The following IGF1R variants were observed in gnomAD, a reference collection of about 807,000 sequenced individuals.
The protein encoded by IGF1R is insulin-like growth factor 1 receptor.
In IGF1R, 44 loss-of-function variants were observed where a neutral mutation model predicts 144.6. The observed-to-expected ratio is 0.30, with a 90% CI of 0.24 to 0.39. IGF1R has a LOEUF of 0.39. Ranked by LOEUF, IGF1R falls within the 10% of genes least tolerant of loss-of-function variation. The pLI, the probability that IGF1R is intolerant of heterozygous loss-of-function variation, is 1.00. For missense variants in IGF1R, 1,355 were observed against 1,833.7 expected (o/e 0.74, Z 4.77); for synonymous variants, 795 against 722.8 (o/e 1.10, Z -1.60).
At chr15:98,948,224 C>T (rs948098067) in intron 19 of IGF1R, among the ~76,000 whole-genome samples, 1 of 152,100 alleles carries the variant, frequency 6.6e-6, no homozygotes, top group Non-Finnish European at 1.5e-5. Context: ...TAGGTGATAC[C>T]GCCTTGCCAG....
intron 1 of IGF1R, among the ~76,000 whole-genome samples, chr15:98,692,802 A>G (rs2053508052): frequency 6.6e-6 from 1 of 152,156 alleles, no homozygotes; most frequent in Admixed American, 6.5e-5. Context: ...ACCACCTGAT[A>G]CATTGGTAAG....
intron 1 of IGF1R, among the ~76,000 whole-genome samples, chr15:98,675,412 G>A (rs943534556): frequency 6.6e-6 from 1 of 152,206 alleles, no homozygotes; most frequent in Non-Finnish European, 1.5e-5. Context: ...AATAAGAATT[G>A]TGTAAGTGTG....
intron 2 of IGF1R, among the ~76,000 whole-genome samples, chr15:98,719,025 A>ATTAT (rs1392498635): frequency 2.0e-5 from 3 of 152,146 alleles, no homozygotes; most frequent in East Asian, 3.9e-4. Flanking sequence ...AGTAGATGAT[A>ATTAT]TTATTAGGTG....
intron 2 of IGF1R, among the ~76,000 whole-genome samples, chr15:98,788,071 T>TGC (rs1393427657): frequency 6.8e-6 from 1 of 147,110 alleles, no homozygotes; most frequent in African/African-American, 2.7e-5. Context: ...TCTGTGTGTG[T>TGC]GTGTGTGTGT....
intron 1 of IGF1R, among the ~76,000 whole-genome samples, chr15:98,679,824 T>C (rs936382179): frequency 6.6e-6 from 1 of 152,296 alleles, no homozygotes; most frequent in Non-Finnish European, 1.5e-5. Context: ...TTACTGCCCC[T>C]GTAGACTTCC....
At chr15:98,824,753 C>G (rs2056861236) in intron 2 of IGF1R, among the ~76,000 whole-genome samples, 2 of 152,318 alleles carry the variant, frequency 1.3e-5, no homozygotes, top group South Asian at 4.1e-4. Context: ...TTCCTAAACA[C>G]TCTGTTGCAG....
rs950228828 is a variant in IGF1R at position 98,680,853 on chromosome 15, G to C, written c.95-26709G>C. Reference sequence around the variant, plus strand: ...GTGCTGAGATTATAGGTGTGAGCCTGGCCATATGTACTTTTTTTTTTTTTT... The same window carrying C: ...GTGCTGAGATTATAGGTGTGAGCCTCGCCATATGTACTTTTTTTTTTTTTT... On this transcript the variant is annotated intron_variant, in intron 1 of 20. Coordinates refer to ENST00000650285, the MANE Select transcript of IGF1R (RefSeq NM_000875.5). Among the ~76,000 whole-genome samples, 7 of 139,238 alleles carry C rather than the reference G, an allele frequency of 5.0e-5. No homozygotes were observed. The East Asian group carries it at 8.2e-4, about 16-fold the overall frequency. 91.3% of individuals were successfully genotyped at this position (139,238 alleles called of 152,430 possible). A position where few individuals can be genotyped will look rare whatever the true frequency, so the allele number is the denominator to read the frequency against.
At chr15:98,656,639 TTTAGAAA>T in intron 1 of IGF1R, among the ~76,000 whole-genome samples, 1 of 152,310 alleles carries the variant, frequency 6.6e-6, no homozygotes, top group East Asian at 1.9e-4. Context: ...TTTTAAAGAC[TTTAGAAA>T]GTAGTCTTGC....
intron 2 of IGF1R, among the ~76,000 whole-genome samples, chr15:98,806,823 G>T (rs2056482215): frequency 6.6e-6 from 1 of 152,022 alleles, no homozygotes; most frequent in Non-Finnish European, 1.5e-5. Context: ...AGAGCTTTAG[G>T]GCACAGCTGA....
intron 2 of IGF1R, among the ~76,000 whole-genome samples, chr15:98,792,234 A>G (rs939744516): frequency 6.6e-6 from 1 of 152,176 alleles, no homozygotes; most frequent in Non-Finnish European, 1.5e-5. Flanking sequence ...AGTATTGTAA[A>G]TGTAGGGAAG....
At chr15:98,842,404 G>A (rs1472723220) in intron 2 of IGF1R, among the ~76,000 whole-genome samples, 3 of 149,354 alleles carry the variant, frequency 2.0e-5, no homozygotes, top group East Asian at 1.9e-4. Flanking sequence ...TTTAGGGGAC[G>A]GGGAATGTTT....
chr15:98,922,990 C>T (rs2015555138), intron 11 of IGF1R, among the ~76,000 whole-genome samples: 1 of 152,196 alleles, frequency 6.6e-6, no homozygotes, highest in South Asian at 2.1e-4. Flanking sequence ...CTTTAGTAGG[C>T]CTCAGGTGGT....
In IGF1R at chr15:98,759,191, G is replaced by C. The variant is rs150161011; in HGVS notation, c.640+51084G>C. On this transcript the variant is annotated intron_variant, in intron 2 of 20. Coordinates refer to ENST00000650285, the MANE Select transcript of IGF1R (RefSeq NM_000875.5). The stretch of plus-strand genomic sequence containing the variant: ...GGGGGCACTTCTTCACTCCACAGCT[G>C]GAAAACTTGGGACAAAATGCCTAGC... 7.2e-3 allele frequency among the ~76,000 whole-genome samples: 1,090 copies of C among 152,272 alleles called. 11 individuals are homozygous for C. The highest frequency in any genetic ancestry group is 0.037 in the Middle Eastern group (11 of 294).
At chr15:98,670,856 A>G (rs191943082) in intron 1 of IGF1R, among the ~76,000 whole-genome samples, 2 of 152,244 alleles carry the variant, frequency 1.3e-5, no homozygotes, top group East Asian at 3.9e-4. Flanking sequence ...TAAACCTGTC[A>G]TCTCACATGA....
intron 2 of IGF1R, among the ~76,000 whole-genome samples, chr15:98,755,462 T>A (rs1210249368): frequency 6.6e-6 from 1 of 152,072 alleles, no homozygotes; most frequent in Non-Finnish European, 1.5e-5. Context: ...TATTGCTGGC[T>A]GGGCATGGTG....
At chr15:98,939,066 G>C (rs2016266320) in intron 17 of IGF1R, 135 bp from the exon 18 acceptor site, 1 of 725,798 alleles carries the variant, frequency 1.4e-6, no homozygotes. Context: ...TTCCTTCCGA[G>C]CAAGTCCTGG....
chr15:98,861,463 C>T (rs1360637097), intron 2 of IGF1R, among the ~76,000 whole-genome samples: 1 of 152,210 alleles, frequency 6.6e-6, no homozygotes, highest in Non-Finnish European at 1.5e-5. Context: ...ACCTCCATGG[C>T]CTCTCTCGCA....
intron 2 of IGF1R, among the ~76,000 whole-genome samples, chr15:98,851,433 A>G (rs1437115328): frequency 2.6e-5 from 4 of 152,186 alleles, no homozygotes; most frequent in South Asian, 4.1e-4. Flanking sequence ...GCGAAGCACC[A>G]AAGAGCACAT....
intron 1 of IGF1R, among the ~76,000 whole-genome samples, chr15:98,695,383 T>C (rs780606457): frequency 1.3e-5 from 2 of 152,192 alleles, no homozygotes; most frequent in African/African-American, 4.8e-5. Flanking sequence ...GCATGCACGA[T>C]GTGTGTGAGA....
Sources: allele counts gnomAD v4.1 joint callset (sites outside exome capture counted in the v4.1 genomes callset), GRCh38; gene constraint gnomAD v4.1.1; transcripts MANE v1.5; gene names NCBI Gene and HGNC (gene_info 2026-07-23, HGNC 2026-07-21).